Variants in KLHL36 observed in about 807,000 individuals in gnomAD.
KLHL36 encodes kelch-like protein 36.
Under a neutral mutation model 53.3 loss-of-function variants are expected in KLHL36, and 35 were observed. That is an observed-to-expected ratio of 0.66 (90% CI 0.50 to 0.87). The LOEUF is 0.87. Ranked by LOEUF, KLHL36 falls within the 40% of genes least tolerant of loss-of-function variation. The pLI is 0.00. For missense variants in KLHL36, 864 were observed against 897.6 expected (o/e 0.96, Z 0.48); for synonymous variants, 472 against 398.9 (o/e 1.18, Z -2.18).
In KLHL36 at chr16:84,661,771, T is replaced by G; in HGVS notation, c.1489T>G (p.Ser497Ala). 6.2e-7 allele frequency: 1 copy of G among 1,613,020 alleles called. No individual in the cohort carries two copies. The highest frequency in any genetic ancestry group is 8.5e-7 in the Non-Finnish European group (1 of 1,179,572). ...GTGCAGCCTGGGTGACAGCATCTAC[T>G]CCATCGGGGGCAGCGATGACAACAT... The part of the protein sequence containing the change: ...SMCSLGDSIY[S>A]IGGSDDNIES... The change falls in exon 5 of 5, where the codon TCC becomes GCC. Residue 497 changes from serine to alanine, a missense_variant. By Grantham distance (99) the Ser-to-Ala change is moderately conservative. Transcript: ENST00000564996. The surrounding 1 kb of genome is among the most constrained non-coding windows in gnomAD (Gnocchi z 7.9).
At chr16:84,658,158 C>G (rs1907335507) in intron 3 of KLHL36, 2 of 441,682 alleles carry the variant, frequency 4.5e-6, no homozygotes, top group African/African-American at 2.0e-5. Flanking sequence ...CGTCATCGTT[C>G]AGAGCAGCAC....
Position 84,661,887 on chromosome 16 carries a change from C to T in KLHL36, c.1605C>T (p.Ala535=). Residue 535 remains alanine, a synonymous_variant, in exon 5 of 5, where the codon GCC becomes GCT. Transcript: ENST00000564996. The surrounding 1 kb of genome is among the most constrained non-coding windows in gnomAD (Gnocchi z 7.9). ...QWTRVAPLLH[A]NSESGVAVWE... Reference sequence around the variant, plus strand: ...CCCGCGTGGCGCCGCTGCTGCACGCCAACAGCGAGTCGGGCGTGGCAGTGT... The same window carrying T: ...CCCGCGTGGCGCCGCTGCTGCACGCTAACAGCGAGTCGGGCGTGGCAGTGT... 6.2e-7 allele frequency: 1 copy of T among 1,600,456 alleles called. No individual in the cohort carries two copies. Among genetic ancestry groups the T allele is most frequent in the African/African-American group, 1.3e-5 (1 of 74,798 alleles).
chr16:84,650,549 G>A (rs1327240179), intron 1 of KLHL36, among the ~76,000 whole-genome samples: 2 of 152,134 alleles, frequency 1.3e-5, no homozygotes, highest in African/African-American at 4.8e-5. Flanking sequence ...GCTCCGAAAT[G>A]ATAACTTATC....
At chr16:84,660,295 G>A (rs543441354) in intron 4 of KLHL36, among the ~76,000 whole-genome samples, 5 of 152,180 alleles carry the variant, frequency 3.3e-5, no homozygotes, top group East Asian at 3.9e-4. Flanking sequence ...CACCCCGCTC[G>A]GCCTTTAGTT....
intron 4 of KLHL36, among the ~76,000 whole-genome samples, chr16:84,660,671 G>C (rs946867421): frequency 1.3e-5 from 2 of 152,136 alleles, no homozygotes; most frequent in Non-Finnish European, 2.9e-5. Flanking sequence ...ACCCAGGCTG[G>C]AGTGCAGTGG....
rs1007972704 is a variant in KLHL36 at position 84,653,746 on chromosome 16, A to G, written c.63+2816A>G. ...TCCCAGCTACTCAGGAGGCTGAGGC[A>G]GGAGAATCGCCTGAACCTGGGAGGC... On this transcript the variant is annotated intron_variant, in intron 2 of 4. Transcript: ENST00000564996. Among the ~76,000 whole-genome samples the G allele has an allele frequency of 1.4e-4, 21 of 150,812 alleles. 2 individuals are homozygous for G. Among genetic ancestry groups the G allele is most frequent in the Admixed American group, 7.3e-4 (11 of 15,024 alleles).
chr16:84,651,729 G>A (rs1049773249), intron 2 of KLHL36, among the ~76,000 whole-genome samples: 3 of 152,058 alleles, frequency 2.0e-5, no homozygotes, highest in Non-Finnish European at 4.4e-5. Context: ...TTCTCGGGAG[G>A]GTGGAAGGAA....
chr16:84,655,704 A>C (rs1334153371), intron 2 of KLHL36, among the ~76,000 whole-genome samples: 1 of 90,590 alleles, frequency 1.1e-5, no homozygotes, highest in Non-Finnish European at 3.0e-5. Flanking sequence ...ACCCTGTCTC[A>C]AAAAAAAAAA....
chr16:84,650,966 C>T, intron 2 of KLHL36, 36 bp downstream of exon 2: 1 of 1,524,718 alleles, frequency 6.6e-7, no homozygotes, highest in Non-Finnish European at 8.9e-7. Flanking sequence ...ATGCAAATTG[C>T]CTAAGAAGTG....
At position 84,653,618 on chromosome 16, in the gene KLHL36, G is replaced by A. The variant is rs146562955; in HGVS notation, c.63+2688G>A. On this transcript the variant is annotated intron_variant, in intron 2 of 4. Transcript: ENST00000564996. ...TATATGTATATATGCCGGGAGTGGT[G>A]GCACCTGAGGTCAGGAGTTTAAGAC... Among the ~76,000 whole-genome samples, 236 of 152,164 alleles carry A rather than the reference G, an allele frequency of 1.6e-3. 1 individual carries two copies. The highest frequency in any genetic ancestry group is 5.5e-3 in the African/African-American group (228 of 41,506).
chr16:84,659,932 G>C lies in KLHL36; in HGVS notation c.1295+15G>C, dbSNP rs1225152256. Reference sequence around the variant, plus strand: ...GGCTTGCCAAGGTGATCTGGGGCTTGGTGGAAGGTTCTCCAAATGGGATGT... The same window carrying C: ...GGCTTGCCAAGGTGATCTGGGGCTTCGTGGAAGGTTCTCCAAATGGGATGT... On this transcript the variant is annotated intron_variant, in intron 4 of 4. Transcript: ENST00000564996. 4 of 1,597,072 alleles carry C rather than the reference G, an allele frequency of 2.5e-6. No individual in the cohort carries two copies. The highest frequency in any genetic ancestry group is 3.4e-5 in the Admixed American group (2 of 59,272).
chr16:84,662,382 C>A lies in KLHL36; in HGVS notation c.*249C>A. Reference sequence around the variant, plus strand: ...CCCTTGTATCTTCACAGGTCTTTGCCCCGTGTTATGATTCCTCATGGGTCC... The same window carrying A: ...CCCTTGTATCTTCACAGGTCTTTGCACCGTGTTATGATTCCTCATGGGTCC... On this transcript the variant is annotated 3_prime_UTR_variant, in exon 5 of 5. Transcript: ENST00000564996. The A allele has an allele frequency of 2.5e-6, 1 of 404,450 alleles. No homozygotes were observed. The highest frequency in any genetic ancestry group is 4.5e-6 in the Non-Finnish European group (1 of 223,458). The allele number at this position is 404,450 out of a possible 1,614,324, so 25.1% of individuals were successfully genotyped here.
rs1234176076 is a variant in KLHL36 at position 84,662,218 on chromosome 16, CATT to C, written c.*88_*90del. 3 of 1,214,022 alleles carry C rather than the reference CATT, an allele frequency of 2.5e-6. No homozygotes were observed. The highest frequency in any genetic ancestry group is 3.2e-5 in the South Asian group (2 of 62,242). 75.2% of individuals were successfully genotyped at this position (1,214,022 alleles called of 1,614,324 possible). On this transcript the variant is annotated 3_prime_UTR_variant, in exon 5 of 5. Coordinates refer to ENST00000564996, the MANE Select transcript of KLHL36 (RefSeq NM_024731.4). ...CAGCAACTTCTTAGTATTCCGGAAA[CATT>C]ATGTACAACTTAGCAGCTTTTTTTA...
In KLHL36 at chr16:84,667,059, C is replaced by CAAAAAAAAAAAAAAAA. The variant is rs761527507; in HGVS notation, c.*4929_*4944dup. On this transcript the variant is annotated 3_prime_UTR_variant, in exon 5 of 5. Coordinates refer to ENST00000564996, the MANE Select transcript of KLHL36 (RefSeq NM_024731.4). ...CCTGGGTGACCGAGTAAGACTGTCT[C>CAAAAAAAAAAAAAAAA]AAAAAAAAAAAAAAAAAAGAAAAGA... 2.2e-5 allele frequency: 1 copy of CAAAAAAAAAAAAAAAA among 45,098 alleles called. No individual in the cohort carries two copies. The highest frequency in any genetic ancestry group is 4.2e-5 in the Non-Finnish European group (1 of 23,638). 2.8% of individuals were successfully genotyped at this position (45,098 alleles called of 1,614,324 possible).
At position 84,667,635 on chromosome 16, in the gene KLHL36, G is replaced by A. The variant is rs921939258; in HGVS notation, c.*5502G>A. 1.1e-4 allele frequency: 16 copies of A among 152,064 alleles called. No individual in the cohort carries two copies. Among genetic ancestry groups the A allele is most frequent in the African/African-American group, 3.4e-4 (14 of 41,384 alleles). 9.4% of individuals were successfully genotyped at this position (152,064 alleles called of 1,614,324 possible). On this transcript the variant is annotated 3_prime_UTR_variant, in exon 5 of 5. Transcript: ENST00000564996. ...ATGTCTGGTCCTAATTTCTCTGCCC[G>A]TATGAAAAAGAACCCCTTGCCTGTT...
chr16:84,649,783 T>A (rs1425434994), intron 1 of KLHL36, among the ~76,000 whole-genome samples: 1 of 152,230 alleles, frequency 6.6e-6, no homozygotes, highest in African/African-American at 2.4e-5. Context: ...TCTTGTCACA[T>A]TGTTCTTTAT....
chr16:84,661,967 C>T lies in KLHL36; in HGVS notation c.1685C>T (p.Ser562Phe). The T allele has an allele frequency of 1.3e-6, 2 of 1,599,480 alleles. No individual in the cohort carries two copies. The highest frequency in any genetic ancestry group is 1.7e-6 in the Non-Finnish European group (2 of 1,174,228). The change falls in exon 5 of 5, where the codon TCC (serine) becomes TTC (phenylalanine). Residue 562 changes from serine to phenylalanine, a missense_variant. Ser to Phe is a radical substitution (Grantham distance 155). Coordinates refer to ENST00000564996, the MANE Select transcript of KLHL36 (RefSeq NM_024731.4). This position sits in a 1 kb window ranked among gnomAD's most constrained non-coding sequence, Gnocchi z 7.9. ...TACAGCTGGGAGAACACTGCCTTCTCCAAGACCGTGCAGGTGTACGACCGC... is the reference window on the plus strand; with the variant it reads ...TACAGCTGGGAGAACACTGCCTTCTTCAAGACCGTGCAGGTGTACGACCGC... ...GGYSWENTAFSKTVQVYDREA... is the reference protein window; with the variant it reads ...GGYSWENTAFFKTVQVYDREA...
Position 84,657,636 on chromosome 16 carries a change from C to A in KLHL36, c.829C>A (p.Leu277Met). The A allele has an allele frequency of 6.2e-7, 1 of 1,611,984 alleles. No homozygotes were observed. The highest frequency in any genetic ancestry group is 8.5e-7 in the Non-Finnish European group (1 of 1,179,620). ...IEEAVRYHNN[L>M]AAQPVMQTKR... ...GGAGGCCGTGCGCTACCACAACAAC[C>A]TGGCGGCCCAGCCCGTCATGCAGAC... Residue 277 changes from leucine (L) to methionine (M), a missense_variant, in exon 3 of 5, where the codon CTG becomes ATG. Transcript: ENST00000564996.
Position 84,657,479 on chromosome 16 carries a change from C to G in KLHL36, c.672C>G (p.Arg224=). Reference sequence around the variant, plus strand: ...AGTGGCTGACGCAGCAGCCCGAGCGCGAGGCCCACGCCCGCCAGGTGCTGG... The same window carrying G: ...AGTGGCTGACGCAGCAGCCCGAGCGGGAGGCCCACGCCCGCCAGGTGCTGG... ...ALQWLTQQPE[R]EAHARQVLEN... Residue 224 remains arginine, a synonymous_variant, in exon 3 of 5, where the codon CGC becomes CGG. Transcript: ENST00000564996. 6.2e-7 allele frequency: 1 copy of G among 1,607,376 alleles called. No homozygotes were observed. The highest frequency in any genetic ancestry group is 8.5e-7 in the Non-Finnish European group (1 of 1,179,854).
Sources: allele counts gnomAD v4.1 joint callset (sites outside exome capture counted in the v4.1 genomes callset), GRCh38; gene constraint gnomAD v4.1.1; non-coding constraint Gnocchi (gnomAD v3.1); transcripts MANE v1.5; gene names NCBI Gene and HGNC (gene_info 2026-07-23, HGNC 2026-07-21).